SI: variants seen among roughly 807,000 people sequenced by gnomAD.
SI encodes the protein sucrase-isomaltase, also known as sucrase-isomaltase, intestinal.
Under a neutral mutation model 253.3 loss-of-function variants are expected in SI, and 235 were observed. That is an observed-to-expected ratio of 0.93 (90% confidence interval 0.83 to 1.03). The LOEUF is 1.03. Among genes scored for constraint, SI ranks in the 50% least tolerant of loss-of-function variants. The pLI, the probability that SI is intolerant of heterozygous loss-of-function variation, is 0.00. For missense variants in SI, 2,442 were observed against 2,211.1 expected, an observed-to-expected ratio of 1.10 and a Z score of -2.09; for synonymous variants, 819 against 712.0, an observed-to-expected ratio of 1.15 and a Z score of -2.39.
chr3:165,025,558 C>A (rs886164059), intron 25 of SI, among the ~76,000 whole-genome samples: 21 of 151,142 alleles, frequency 1.4e-4, no homozygotes, highest in African/African-American at 5.1e-4. Context: ...GTCAGGTTAT[C>A]TAAAGTTAAG....
At chr3:165,064,252 A>G (rs1185717846) in intron 7 of SI, among the ~76,000 whole-genome samples, 2 of 152,060 alleles carry the variant, frequency 1.3e-5, no homozygotes, top group African/African-American at 4.8e-5. Context: ...AAGAGCTGAC[A>G]TGATAGAGAC....
Position 165,019,774 on chromosome 3 carries a change from A to G in SI, c.3255-4T>C. On this transcript the variant is annotated splice_region_variant and splice_polypyrimidine_tract_variant and intron_variant, in intron 27 of 47. Coordinates refer to ENST00000264382, the MANE Select transcript of SI (RefSeq NM_001041.4). ...TCCAGGCAGCCAAGAATCCCAACTG[A>G]AAACAAAAGAAAACAAAGCTATGTC... 1 of 1,611,150 alleles carries G rather than the reference A, an allele frequency of 6.2e-7. No individual in the cohort carries two copies. Among genetic ancestry groups the G allele is most frequent in the Non-Finnish European group, 8.5e-7 (1 of 1,177,778 alleles).
chr3:165,051,647 A>G (rs950660470), intron 13 of SI, among the ~76,000 whole-genome samples: 1 of 152,064 alleles, frequency 6.6e-6, no homozygotes, highest in Non-Finnish European at 1.5e-5. Flanking sequence ...ATTTTAAAAG[A>G]GTCTTTTTCT....
chr3:165,001,330 CAA>C (rs1576877781), intron 37 of SI, among the ~76,000 whole-genome samples: 1 of 151,270 alleles, frequency 6.6e-6, no homozygotes, highest in Non-Finnish European at 1.5e-5. Context: ...TTTGAAAACT[CAA>C]AGATATTTTA....
rs142971448 is a variant in SI, at chr3:165,008,484, A to G, written c.4180-486T>C. Among the ~76,000 whole-genome samples, 46 of 152,126 alleles carry G rather than the reference A, an allele frequency of 3.0e-4. 1 individual carries two copies. In the East Asian group the frequency reaches 7.3e-3, roughly 24 times the overall value. The stretch of plus-strand genomic sequence containing the variant: ...GATCTAAATAAATAAGTCAGCCACC[A>G]TTTAAAATGGATTGCCTCCACCTGA... On this transcript the variant is annotated intron_variant, in intron 35 of 47. Transcript: ENST00000264382.
chr3:165,037,795 T>A (rs1712603447), intron 21 of SI, 105 bp downstream of exon 21: 1 of 812,138 alleles, frequency 1.2e-6, no homozygotes, highest in Admixed American at 2.0e-5. Context: ...ATGTCAAATA[T>A]CTTCTGGTGC....
At chr3:165,012,732 A>G (rs949624615) in intron 34 of SI, among the ~76,000 whole-genome samples, 1 of 152,112 alleles carries the variant, frequency 6.6e-6, no homozygotes, top group Non-Finnish European at 1.5e-5. Context: ...GCCAGGCCAT[A>G]ACTTTTTAAA....
intron 13 of SI, among the ~76,000 whole-genome samples, chr3:165,050,615 A>G (rs1560008513): frequency 6.6e-6 from 1 of 152,106 alleles, no homozygotes; most frequent in South Asian, 2.1e-4. Flanking sequence ...ATCACAGTAC[A>G]TATACTCAAG....
At chr3:164,979,694 A>G (rs1717088520) in intron 47 of SI, among the ~76,000 whole-genome samples, 1 of 151,734 alleles carries the variant, frequency 6.6e-6, no homozygotes, top group East Asian at 1.9e-4. Flanking sequence ...CTCTCAGCCA[A>G]TTTTATTGAT....
intron 37 of SI, among the ~76,000 whole-genome samples, chr3:165,005,584 T>A (rs1250812860): frequency 6.6e-6 from 1 of 152,162 alleles, no homozygotes. Context: ...TCTAATATGG[T>A]AGCCACTAAT....
chr3:165,039,759 C>A, intron 19 of SI, 128 bp downstream of exon 19: 1 of 733,540 alleles, frequency 1.4e-6, no homozygotes, highest in Non-Finnish European at 2.5e-6. Flanking sequence ...TCGTAGAATT[C>A]CAACTTGATG....
intron 37 of SI, among the ~76,000 whole-genome samples, chr3:165,002,822 TA>T (rs1377194026): frequency 6.6e-6 from 1 of 151,758 alleles, no homozygotes; most frequent in Non-Finnish European, 1.5e-5. Context: ...TAAGACTGTA[TA>T]AAATAGGCTA....
At chr3:165,063,270 C>G (rs923475345) in intron 8 of SI, among the ~76,000 whole-genome samples, 172 bp downstream of exon 8, 2 of 151,842 alleles carry the variant, frequency 1.3e-5, no homozygotes, top group Admixed American at 6.6e-5. Flanking sequence ...CGCTGGCATG[C>G]AAAAATTGAT....
At chr3:164,982,142 T>C in intron 47 of SI, 101 bp downstream of exon 47, 2 of 831,712 alleles carry the variant, frequency 2.4e-6, no homozygotes, top group East Asian at 2.6e-5. Context: ...AATGTCATAA[T>C]TGACTCATAA....
At chr3:165,021,470 C>G in intron 26 of SI, 87 bp from the exon 27 acceptor site, 1 of 1,034,894 alleles carries the variant, frequency 9.7e-7, no homozygotes, top group South Asian at 1.3e-5. Flanking sequence ...ATGGCTCAAA[C>G]AAGAATATTT....
At chr3:165,031,964 T>C (rs1005478162) in intron 24 of SI, among the ~76,000 whole-genome samples, 10 of 151,128 alleles carry the variant, frequency 6.6e-5, no homozygotes, top group African/African-American at 1.9e-4. Context: ...TGTTATTTTT[T>C]CCCCTCTATA....
the SI span, among the ~76,000 whole-genome samples, chr3:165,087,996 A>G: frequency 6.6e-6 from 1 of 152,186 alleles, no homozygotes; most frequent in Non-Finnish European, 1.5e-5. Flanking sequence ...ACAATTCTTC[A>G]TGCAAATTAT....
chr3:165,037,471 A>T (rs895482224), intron 21 of SI, among the ~76,000 whole-genome samples: 1 of 151,990 alleles, frequency 6.6e-6, no homozygotes, highest in African/African-American at 2.4e-5. Flanking sequence ...TTTACCTAAC[A>T]TAAAATATCC....
chr3:165,029,274 A>G lies in SI; in HGVS notation c.2892+1438T>C, dbSNP rs144563063. On this transcript the variant is annotated intron_variant, in intron 25 of 47. Coordinates refer to ENST00000264382, the MANE Select transcript of SI (RefSeq NM_001041.4). ...AGAATGGCCATAATCAAAAAATAAA[A>G]AAAAAATAGATGTTGGCATGGATTC... is the stretch of plus-strand genomic sequence containing the variant. 1.5e-3 allele frequency among the ~76,000 whole-genome samples: 230 copies of G among 150,968 alleles called. 1 individual carries two copies. The highest frequency in any genetic ancestry group is 5.3e-3 in the African/African-American group (219 of 41,382).
Sources: gnomAD v4.1 joint callset for allele counts (sites outside exome capture counted in the v4.1 genomes callset) on GRCh38, gnomAD v4.1.1 for gene constraint, MANE v1.5 for transcripts, NCBI Gene and HGNC (gene_info 2026-07-23, HGNC 2026-07-21) for gene names.